PDE12: variants seen among roughly 807,000 people sequenced by gnomAD.
The protein encoded by PDE12 is phosphodiesterase 12.
A neutral mutation model predicts 45.4 loss-of-function variants in PDE12; 26 were observed. That is an observed-to-expected ratio of 0.57 (90% CI 0.42 to 0.79). The LOEUF is 0.79. Ranked by LOEUF, PDE12 falls within the 30% of genes least tolerant of loss-of-function variation. The probability of loss-of-function intolerance (pLI) is 0.00; values close to 1 mark genes in which losing one functional copy is unlikely to be tolerated. For missense variants in PDE12, 668 were observed against 790.0 expected (o/e 0.85, Z 1.85); for synonymous variants, 283 against 323.9 (o/e 0.87, Z 1.36).
the PDE12 span, among the ~76,000 whole-genome samples, chr3:57,630,055 A>C: frequency 6.6e-6 from 1 of 152,138 alleles, no homozygotes; most frequent in Non-Finnish European, 1.5e-5. Flanking sequence ...AGGTTACTGA[A>C]TACAGAGCTG....
chr3:57,602,644 C>T, the PDE12 span, among the ~76,000 whole-genome samples: 2 of 152,114 alleles, frequency 1.3e-5, no homozygotes, highest in Non-Finnish European at 2.9e-5. Context: ...GATCTTGGCT[C>T]ACTGCACCCT....
At chr3:57,596,132 G>A in the PDE12 span, among the ~76,000 whole-genome samples, 1 of 152,126 alleles carries the variant, frequency 6.6e-6, no homozygotes, top group Non-Finnish European at 1.5e-5. Context: ...TCAGCCAACT[G>A]ACAGCCCTTC....
the PDE12 span, chr3:57,641,658 G>A: frequency 3.7e-6 from 6 of 1,611,146 alleles, no homozygotes; most frequent in Non-Finnish European, 5.1e-6. Context: ...TTTACCTGTA[G>A]GTTTAAGGTC....
chr3:57,563,565 A>G lies in PDE12; in HGVS notation c.*3561A>G, dbSNP rs1456216688. On this transcript the variant is annotated 3_prime_UTR_variant, in exon 3 of 3. Coordinates refer to ENST00000311180, the MANE Select transcript of PDE12 (RefSeq NM_177966.7). The stretch of plus-strand genomic sequence containing the variant: ...TTTCAGTGTTTTGAGAATTTTAATA[A>G]TTTGCTTAATATAGTACAGGAAGGC... The G allele has an allele frequency of 6.6e-6, 1 of 152,136 alleles. No individual in the cohort carries two copies. The highest frequency in any genetic ancestry group is 1.5e-5 in the Non-Finnish European group (1 of 68,032). The allele number at this position is 152,136 out of a possible 1,614,324, so 9.4% of individuals were successfully genotyped here. A position where few individuals can be genotyped will look rare whatever the true frequency, so the allele number is the denominator to read the frequency against.
chr3:57,591,203 G>A, the PDE12 span, among the ~76,000 whole-genome samples: 1 of 152,040 alleles, frequency 6.6e-6, no homozygotes, highest in South Asian at 2.1e-4. Flanking sequence ...ACACAATTCC[G>A]CTCCTAAGTA....
the PDE12 span, among the ~76,000 whole-genome samples, chr3:57,649,866 C>T: frequency 6.7e-6 from 1 of 149,978 alleles, no homozygotes; most frequent in Non-Finnish European, 1.5e-5. Flanking sequence ...CACTAGACCA[C>T]GTCTCCAAGT....
the PDE12 span, among the ~76,000 whole-genome samples, chr3:57,653,072 T>C: frequency 6.6e-6 from 1 of 152,204 alleles, no homozygotes; most frequent in Non-Finnish European, 1.5e-5. Context: ...CTCTAAAGTA[T>C]TAAGAGATGA....
chr3:57,609,643 A>G, the PDE12 span, among the ~76,000 whole-genome samples: 20 of 152,184 alleles, frequency 1.3e-4, no homozygotes, highest in African/African-American at 4.6e-4. Context: ...GAAGAAATGG[A>G]TACATTCCTG....
the PDE12 span, among the ~76,000 whole-genome samples, chr3:57,621,935 G>A: frequency 6.6e-6 from 1 of 152,074 alleles, no homozygotes. Context: ...CAGCACTTTG[G>A]GAGCCCAAGG....
At chr3:57,603,012 C>CAA in the PDE12 span, among the ~76,000 whole-genome samples, 1 of 151,652 alleles carries the variant, frequency 6.6e-6, no homozygotes, top group Non-Finnish European at 1.5e-5. Flanking sequence ...ACTAAAAATA[C>CAA]AAAAATTAGC....
At chr3:57,593,744 T>C in the PDE12 span, among the ~76,000 whole-genome samples, 2 of 152,250 alleles carry the variant, frequency 1.3e-5, no homozygotes, top group East Asian at 3.9e-4. Flanking sequence ...AGACTTAAAA[T>C]AGGACAATGC....
the PDE12 span, among the ~76,000 whole-genome samples, chr3:57,587,517 T>C: frequency 7.2e-5 from 11 of 151,940 alleles, no homozygotes; most frequent in African/African-American, 2.7e-4. Flanking sequence ...CCTCTACTGA[T>C]AGGAATTTTT....
At chr3:57,618,091 A>G in the PDE12 span, among the ~76,000 whole-genome samples, 1 of 152,170 alleles carries the variant, frequency 6.6e-6, no homozygotes, top group Non-Finnish European at 1.5e-5. Flanking sequence ...CTGGGTACAC[A>G]CAGACACAAA....
At chr3:57,590,089 CAATAAATA>C in the PDE12 span, among the ~76,000 whole-genome samples, 3,159 of 135,172 alleles carry the variant, frequency 0.023, 68 homozygotes, top group East Asian at 0.091. Context: ...GACTCTGTCT[CAATAAATA>C]AATAAATAAA....
Position 57,557,492 on chromosome 3 carries a change from G to T in PDE12, c.1113G>T (p.Glu371Asp), listed in dbSNP as rs1161271188. Residue 371 changes from glutamate to aspartate, a missense_variant, in exon 1 of 3, where the codon GAG becomes GAT. Around this residue, in one of 3 missense-constraint regions of PDE12, gnomAD observed 580 missense variants for 662.9 expected, o/e 0.87. Coordinates refer to ENST00000311180, the MANE Select transcript of PDE12 (RefSeq NM_177966.7). ...CCGCCCTAGAGGCCTTCGGGCTCGA[G>T]GGGGTGTTTCGAATCAAGCAGCACG... ...LVPALEAFGL[E>D]GVFRIKQHEG... 6.2e-7 allele frequency: 1 copy of T among 1,614,066 alleles called. No individual in the cohort carries two copies. The highest frequency in any genetic ancestry group is 8.5e-7 in the Non-Finnish European group (1 of 1,180,038).
At chr3:57,574,756 C>T in the PDE12 span, among the ~76,000 whole-genome samples, 1 of 152,114 alleles carries the variant, frequency 6.6e-6, no homozygotes, top group African/African-American at 2.4e-5. Context: ...GGCACCATGG[C>T]TGGAATCCCA....
At chr3:57,639,875 C>T in the PDE12 span, among the ~76,000 whole-genome samples, 1,583 of 151,828 alleles carry the variant, frequency 0.01, 18 homozygotes, top group African/African-American at 0.036. Flanking sequence ...TCTAATACTT[C>T]CATTTAGATA....
In PDE12 at chr3:57,560,523, G is replaced by A. The variant is rs915141107; in HGVS notation, c.*519G>A. The A allele has an allele frequency of 8.2e-6, 4 of 485,452 alleles. No individual in the cohort carries two copies. Among genetic ancestry groups the A allele is most frequent in the South Asian group, 8.8e-5 (1 of 11,312 alleles). The allele number at this position is 485,452 out of a possible 1,614,324, so 30.1% of individuals were successfully genotyped here. ...GTATTTTTAGTAGAAATGGGGTTTC[G>A]CCACGTTGGCCAGGCTGGTCTTGAA... is the stretch of plus-strand genomic sequence containing the variant. On this transcript the variant is annotated 3_prime_UTR_variant, in exon 3 of 3. Coordinates refer to ENST00000311180, the MANE Select transcript of PDE12 (RefSeq NM_177966.7).
rs1451921880 is a variant in PDE12, at chr3:57,564,444, G to T, written c.*4440G>T. 6.6e-6 allele frequency: 1 copy of T among 152,036 alleles called. No individual in the cohort carries two copies. The highest frequency in any genetic ancestry group is 1.5e-5 in the Non-Finnish European group (1 of 68,008). 9.4% of individuals were successfully genotyped at this position (152,036 alleles called of 1,614,324 possible). On this transcript the variant is annotated 3_prime_UTR_variant, in exon 3 of 3. Coordinates refer to ENST00000311180, the MANE Select transcript of PDE12 (RefSeq NM_177966.7). ...TGTCCAATTTATGTAATGAATGTAT[G>T]TCAAAGCATTTATATAACACAGTCC...
Sources: gnomAD v4.1 joint callset for allele counts (sites outside exome capture counted in the v4.1 genomes callset) on GRCh38, gnomAD v4.1.1 for gene constraint, gnomAD v4.1.1 regional missense constraint, MANE v1.5 for transcripts, NCBI Gene and HGNC (gene_info 2026-07-23, HGNC 2026-07-21) for gene names.